ABCB1: variants seen among roughly 807,000 people sequenced by gnomAD.
ABCB1 encodes the protein ATP binding cassette subfamily B member 1, also known as ATP-dependent translocase ABCB1.
Under a neutral mutation model 142.0 loss-of-function variants are expected in ABCB1, and 69 were observed. That is an observed-to-expected ratio of 0.49 (90% CI 0.40 to 0.59). The LOEUF is 0.59. Ranked by LOEUF, ABCB1 falls within the 20% of genes least tolerant of loss-of-function variation. The pLI, the probability that ABCB1 is intolerant of heterozygous loss-of-function variation, is 0.00. For missense variants in ABCB1, 1,326 were observed against 1,554.7 expected (o/e 0.85, Z 2.47); for synonymous variants, 532 against 539.2 (o/e 0.99, Z 0.18).
At chr7:87,508,002 T>C (rs933349084) in intron 26 of ABCB1, among the ~76,000 whole-genome samples, 4 of 149,292 alleles carry the variant, frequency 2.7e-5, no homozygotes, top group Admixed American at 2.7e-4. Context: ...GGAAGGGGGG[T>C]AAGTGTTGAA....
At chr7:87,580,470 T>C (rs1338238277) in intron 4 of ABCB1, among the ~76,000 whole-genome samples, 4 of 152,240 alleles carry the variant, frequency 2.6e-5, no homozygotes, top group Non-Finnish European at 4.4e-5. Flanking sequence ...CTTGCTCCTT[T>C]TAGGATCCTT....
chr7:87,548,592 A>G (rs980839567), intron 14 of ABCB1, among the ~76,000 whole-genome samples: 24 of 152,206 alleles, frequency 1.6e-4, no homozygotes, highest in African/African-American at 5.8e-4. Context: ...AGTTGAAACA[A>G]ATATGAGTTC....
chr7:87,678,575 A>G (rs1826610266), intron 1 of ABCB1, among the ~76,000 whole-genome samples: 1 of 152,194 alleles, frequency 6.6e-6, no homozygotes, highest in African/African-American at 2.4e-5. Flanking sequence ...AAACAATAAA[A>G]TGGTAGACCT....
chr7:87,520,075 T>C (rs1815427468), intron 22 of ABCB1, among the ~76,000 whole-genome samples: 1 of 152,174 alleles, frequency 6.6e-6, no homozygotes, highest in South Asian at 2.1e-4. Context: ...CTCAGTGATA[T>C]GGAGGTGTGG....
intron 4 of ABCB1, among the ~76,000 whole-genome samples, chr7:87,575,755 AGCT>A (rs776586289): frequency 6.6e-6 from 1 of 152,208 alleles, no homozygotes; most frequent in East Asian, 1.9e-4. Context: ...TTTTTATGTG[AGCT>A]GTTTATATAC....
At chr7:87,603,052 T>A (rs1414423082), upstream of ABCB1, 1 of 152,262 alleles carries the variant, frequency 6.6e-6, no homozygotes, top group Non-Finnish European at 1.5e-5. Context: ...CTTCTTGTCC[T>A]CCGCTCTCAT....
intron 1 of ABCB1, among the ~76,000 whole-genome samples, chr7:87,641,556 AG>A (rs1822455649): frequency 6.6e-6 from 1 of 152,216 alleles, no homozygotes; most frequent in African/African-American, 2.4e-5. Flanking sequence ...TGGGGGCGAC[AG>A]TAAACAATCA....
Position 87,662,318 on chromosome 7 carries a change from T to C in ABCB1, c.-331+50843A>G, listed in dbSNP as rs147109444. ...TTCTTATGGGGTGTCAGTCAAGAAATCCTTGCCCAGTCCAATGTCCTGGAG... is the reference window on the plus strand; with the variant it reads ...TTCTTATGGGGTGTCAGTCAAGAAACCCTTGCCCAGTCCAATGTCCTGGAG... On this transcript the variant is annotated intron_variant, in intron 1 of 28. Transcript: ENST00000265724. 8.4e-4 allele frequency among the ~76,000 whole-genome samples: 128 copies of C among 152,274 alleles called. 2 individuals carry two copies. In the East Asian group the frequency reaches 0.018, roughly 22 times the overall value.
chr7:87,696,927 A>T (rs1828542243), intron 1 of ABCB1, among the ~76,000 whole-genome samples: 1 of 152,176 alleles, frequency 6.6e-6, no homozygotes, highest in South Asian at 2.1e-4. Flanking sequence ...TTCTCTGCTT[A>T]ACCTAACTCT....
At chr7:87,676,040 A>T (rs1585070894) in intron 1 of ABCB1, among the ~76,000 whole-genome samples, 1 of 151,848 alleles carries the variant, frequency 6.6e-6, no homozygotes, top group East Asian at 2.0e-4. Flanking sequence ...TACCTGGGCA[A>T]CATAGTGAGA....
intron 19 of ABCB1, 96 bp from the exon 20 acceptor site, chr7:87,536,637 AC>A (rs1816307586): frequency 3.0e-6 from 3 of 1,016,334 alleles, no homozygotes; most frequent in Non-Finnish European, 4.6e-6. Flanking sequence ...TTATACTTAT[AC>A]CCCCTGCATT....
At chr7:87,535,151 T>C (rs1400130185) in intron 20 of ABCB1, among the ~76,000 whole-genome samples, 4 of 152,082 alleles carry the variant, frequency 2.6e-5, no homozygotes, top group African/African-American at 9.7e-5. Context: ...AGACTCCTTC[T>C]ATGCTTGCCC....
chr7:87,712,702 A>G (rs796554081), intron 1 of ABCB1, among the ~76,000 whole-genome samples: 18 of 152,172 alleles, frequency 1.2e-4, no homozygotes, highest in African/African-American at 4.3e-4. Context: ...ATGCTTTTTC[A>G]TAGAAAGGAA....
At chr7:87,700,791 C>CA (rs942335515) in intron 1 of ABCB1, among the ~76,000 whole-genome samples, 2 of 152,114 alleles carry the variant, frequency 1.3e-5, no homozygotes, top group African/African-American at 2.4e-5. Flanking sequence ...TACAAAATGT[C>CA]AAAAATATTT....
chr7:87,591,688 A>G (rs1190955458), intron 3 of ABCB1, among the ~76,000 whole-genome samples: 6 of 152,222 alleles, frequency 3.9e-5, no homozygotes, highest in African/African-American at 7.2e-5. Flanking sequence ...ATCAAATGCC[A>G]AAGTCCTCAA....
At chr7:87,628,882 G>A (rs761377106) in intron 1 of ABCB1, 6 of 1,296,302 alleles carry the variant, frequency 4.6e-6, no homozygotes, top group Non-Finnish European at 5.9e-6. Flanking sequence ...GGCGGAGGCG[G>A]CAAGAAAAGC....
chr7:87,578,502 T>C (rs997619033), intron 4 of ABCB1, among the ~76,000 whole-genome samples: 1 of 152,216 alleles, frequency 6.6e-6, no homozygotes, highest in Admixed American at 6.5e-5. Flanking sequence ...ATTGCTTTGG[T>C]AGTATGGACA....
intron 7 of ABCB1, among the ~76,000 whole-genome samples, chr7:87,562,613 T>A (rs1354579986): frequency 6.6e-6 from 1 of 152,192 alleles, no homozygotes; most frequent in Admixed American, 6.5e-5. Flanking sequence ...AATGTTATTT[T>A]AATTTATTAT....
At chr7:87,530,826 A>AAAGC (rs748946051) in intron 21 of ABCB1, among the ~76,000 whole-genome samples, 1 of 74,236 alleles carries the variant, frequency 1.3e-5, no homozygotes, top group African/African-American at 7.0e-5. Flanking sequence ...AGAAAGCAAG[A>AAAGC]AAGCAAGAAA....
Sources: allele counts gnomAD v4.1 joint callset (sites outside exome capture counted in the v4.1 genomes callset), GRCh38; gene constraint gnomAD v4.1.1; transcripts MANE v1.5; gene names NCBI Gene and HGNC (gene_info 2026-07-23, HGNC 2026-07-21).